Variants in PGM2L1 observed in about 807,000 individuals in gnomAD.
The protein encoded by PGM2L1 is phosphoglucomutase 2 like 1.
In PGM2L1, 35 loss-of-function variants were observed where a neutral mutation model predicts 73.4. The observed-to-expected ratio is 0.48, with a 90% CI of 0.36 to 0.63. The LOEUF (loss-of-function observed/expected upper bound fraction) is 0.63. Ranked by LOEUF, PGM2L1 falls within the 30% of genes least tolerant of loss-of-function variation. The probability of loss-of-function intolerance (pLI) is 0.00; values close to 1 mark genes in which losing one functional copy is unlikely to be tolerated. For missense variants in PGM2L1, 570 were observed against 742.0 expected (o/e 0.77, Z 2.69); for synonymous variants, 225 against 253.8 (o/e 0.89, Z 1.08).
chr11:74,380,093 AC>A (rs1862916455), intron 1 of PGM2L1, among the ~76,000 whole-genome samples: 1 of 152,198 alleles, frequency 6.6e-6, no homozygotes, highest in Non-Finnish European at 1.5e-5. Flanking sequence ...GTTTTATATA[AC>A]TACAGAGAAA....
intron 1 of PGM2L1, among the ~76,000 whole-genome samples, chr11:74,380,258 G>A (rs1260052642): frequency 6.6e-6 from 1 of 152,094 alleles, no homozygotes; most frequent in Non-Finnish European, 1.5e-5. Context: ...TACTTCTGAG[G>A]GTAAGCCGAT....
At chr11:74,358,478 C>T (rs553189657) in intron 5 of PGM2L1, among the ~76,000 whole-genome samples, 111 of 152,214 alleles carry the variant, frequency 7.3e-4, no homozygotes, top group African/African-American at 2.5e-3. Flanking sequence ...TTTGATAATA[C>T]AATCATGGAA....
chr11:74,374,468 T>A lies in PGM2L1; in HGVS notation c.226A>T (p.Met76Leu). ...TFGTAGLRSAMGAGFCYINDL... is the reference protein window; with the variant it reads ...TFGTAGLRSALGAGFCYINDL... ...TTAATATAGCAAAACCCTGCCCCCA[T>A]GGCAGAACGAAGTCCTGCAGTCCCA... The change falls in exon 2 of 14, where the codon ATG becomes TTG. Residue 76 changes from methionine to leucine, a missense_variant. Met to Leu is a conservative substitution (Grantham distance 15). Coordinates refer to ENST00000298198, the MANE Select transcript of PGM2L1 (RefSeq NM_173582.6). 6.2e-7 allele frequency: 1 copy of A among 1,614,012 alleles called. No homozygotes were observed. The highest frequency in any genetic ancestry group is 8.5e-7 in the Non-Finnish European group (1 of 1,179,852).
At chr11:74,391,728 G>A (rs917814822) in intron 1 of PGM2L1, among the ~76,000 whole-genome samples, 2 of 151,920 alleles carry the variant, frequency 1.3e-5, no homozygotes, top group Admixed American at 6.6e-5. Context: ...TAGTTTGATC[G>A]TTAGTTAGTT....
At chr11:74,379,921 T>C (rs1862913432) in intron 1 of PGM2L1, among the ~76,000 whole-genome samples, 1 of 152,040 alleles carries the variant, frequency 6.6e-6, no homozygotes. Context: ...AGTGAAATTC[T>C]GTCTAAAAAA....
At chr11:74,377,292 C>T (rs1049303019) in intron 1 of PGM2L1, among the ~76,000 whole-genome samples, 2 of 152,030 alleles carry the variant, frequency 1.3e-5, no homozygotes, top group African/African-American at 2.4e-5. Context: ...CGCCACCACG[C>T]CCAGCTAATT....
chr11:74,394,650 A>G (rs987713424), intron 1 of PGM2L1, among the ~76,000 whole-genome samples: 1 of 152,228 alleles, frequency 6.6e-6, no homozygotes, highest in African/African-American at 2.4e-5. Flanking sequence ...AGCAGAAATA[A>G]AAGTTCTTAA....
At chr11:74,397,928 G>C in intron 1 of PGM2L1, 123 bp downstream of exon 1, 1 of 1,372,576 alleles carries the variant, frequency 7.3e-7, no homozygotes, top group South Asian at 1.8e-5. Context: ...GCCCTGCTCC[G>C]CTGCCCCCCG....
chr11:74,398,269 G>A lies in PGM2L1; in HGVS notation c.-108C>T. The A allele has an allele frequency of 1.4e-6, 2 of 1,405,184 alleles. No individual in the cohort carries two copies. The highest frequency in any genetic ancestry group is 3.1e-5 in the South Asian group (2 of 64,310). The allele number at this position is 1,405,184 out of a possible 1,614,324, so 87.0% of individuals were successfully genotyped here. ...GTCCAGGCGTCCCCACCTCACTGAA[G>A]GGCATCGGAGACCAACCGCAGGGTG... is the stretch of plus-strand genomic sequence containing the variant. On this transcript the variant is annotated 5_prime_UTR_variant, in exon 1 of 14. Coordinates refer to ENST00000298198, the MANE Select transcript of PGM2L1 (RefSeq NM_173582.6).
In PGM2L1 at chr11:74,334,529, T is replaced by G. The variant is rs1051186547; in HGVS notation, c.*2123A>C. 1 of 152,226 alleles carries G rather than the reference T, an allele frequency of 6.6e-6. No individual in the cohort carries two copies. The highest frequency in any genetic ancestry group is 2.4e-5 in the African/African-American group (1 of 41,466). 9.4% of individuals were successfully genotyped at this position (152,226 alleles called of 1,614,324 possible). On this transcript the variant is annotated 3_prime_UTR_variant, in exon 14 of 14. Coordinates refer to ENST00000298198, the MANE Select transcript of PGM2L1 (RefSeq NM_173582.6). ...ATTGAGAAAAATGGTGCTCTACATT[T>G]AGCTAGCTGTCTATTATCTACAGTC...
rs549167227 is a variant in PGM2L1 at position 74,333,745 on chromosome 11, C to T, written c.*2907G>A. The T allele has an allele frequency of 2.6e-5, 4 of 152,134 alleles. No homozygotes were observed. Among genetic ancestry groups the T allele is most frequent in the African/African-American group, 9.7e-5 (4 of 41,434 alleles). The allele number at this position is 152,134 out of a possible 1,614,324, so 9.4% of individuals were successfully genotyped here. A position where few individuals can be genotyped will look rare whatever the true frequency, so the allele number is the denominator to read the frequency against. On this transcript the variant is annotated 3_prime_UTR_variant, in exon 14 of 14. Transcript: ENST00000298198. Reference sequence around the variant, plus strand: ...TTTGCCCTTCACGAGAAGCATTTCCCGTGTCTCTTTATATTGTTTGCTTAT... The same window carrying T: ...TTTGCCCTTCACGAGAAGCATTTCCTGTGTCTCTTTATATTGTTTGCTTAT...
chr11:74,368,605 T>A, intron 4 of PGM2L1, 30 bp from the exon 5 acceptor site: 1 of 1,576,456 alleles, frequency 6.3e-7, no homozygotes, highest in Non-Finnish European at 8.7e-7. Context: ...ATAATTCCAT[T>A]TTGCTTCCTA....
chr11:74,364,560 T>C (rs538792656), intron 5 of PGM2L1, among the ~76,000 whole-genome samples: 2 of 152,316 alleles, frequency 1.3e-5, no homozygotes, highest in African/African-American at 4.8e-5. Flanking sequence ...AGCATTCTTA[T>C]ACACCAATAA....
At chr11:74,381,744 TGTAA>T (rs1862950095) in intron 1 of PGM2L1, among the ~76,000 whole-genome samples, 1 of 151,648 alleles carries the variant, frequency 6.6e-6, no homozygotes, top group Non-Finnish European at 1.5e-5. Flanking sequence ...CTGCACCCAG[TGTAA>T]GTAATATTTG....
At position 74,370,996 on chromosome 11, in the gene PGM2L1, G is replaced by T. The variant is rs1299865710; in HGVS notation, c.387-10C>A. 6.2e-7 allele frequency: 1 copy of T among 1,608,852 alleles called. No homozygotes were observed. The highest frequency in any genetic ancestry group is 1.7e-5 in the Admixed American group (1 of 59,804). On this transcript the variant is annotated splice_polypyrimidine_tract_variant and intron_variant, in intron 3 of 13. Transcript: ENST00000298198. ...AGTGAGTTTAGCAAGCCTAAAAAAA[G>T]AGAGATTTAACTTAGTCCTTTGCCT...
chr11:74,397,042 G>A (rs1052139601), intron 1 of PGM2L1, among the ~76,000 whole-genome samples: 1 of 152,138 alleles, frequency 6.6e-6, no homozygotes, highest in Non-Finnish European at 1.5e-5. Context: ...CTGAATGAAT[G>A]AATGAATAAA....
At chr11:74,373,762 A>G (rs1380818598) in intron 2 of PGM2L1, among the ~76,000 whole-genome samples, 1 of 152,204 alleles carries the variant, frequency 6.6e-6, no homozygotes, top group Non-Finnish European at 1.5e-5. Context: ...ATGAGTAATT[A>G]TTTTCTTCTA....
intron 4 of PGM2L1, among the ~76,000 whole-genome samples, chr11:74,370,681 T>A (rs1862738152): frequency 6.6e-6 from 1 of 152,266 alleles, no homozygotes; most frequent in Non-Finnish European, 1.5e-5. Flanking sequence ...TATTTCACTA[T>A]AACTGTAGAC....
chr11:74,380,754 C>G (rs116821580), intron 1 of PGM2L1, among the ~76,000 whole-genome samples: 1,729 of 152,216 alleles, frequency 0.011, 32 homozygotes, highest in African/African-American at 0.04. Context: ...TAACTTGTCT[C>G]TGTTAAGTTT....
Sources: allele counts gnomAD v4.1 joint callset (sites outside exome capture counted in the v4.1 genomes callset), GRCh38; gene constraint gnomAD v4.1.1; transcripts MANE v1.5; gene names NCBI Gene and HGNC (gene_info 2026-07-23, HGNC 2026-07-21).